Variants in TEP1 observed in about 807,000 individuals in gnomAD.
The protein encoded by TEP1 is telomerase protein component 1.
Under a neutral mutation model 306.3 loss-of-function variants are expected in TEP1, and 241 were observed. That is an observed-to-expected ratio of 0.79 (90% CI 0.71 to 0.88). The LOEUF is 0.88. TEP1 is among the 40% of genes least tolerant of loss of function. The pLI is 0.00. For synonymous variants in TEP1, 1,289 were observed against 1,305.5 expected, an observed-to-expected ratio of 0.99 and a Z score of 0.27; for missense variants, 3,051 against 3,276.1, an observed-to-expected ratio of 0.93 and a Z score of 1.68.
At position 20,375,757 on chromosome 14, in the gene TEP1, G is replaced by A. The variant is rs766836787; in HGVS notation, c.6361C>T (p.Leu2121=). 1 of 1,611,396 alleles carries A rather than the reference G, an allele frequency of 6.2e-7. No homozygotes were observed. Among genetic ancestry groups the A allele is most frequent in the South Asian group, 1.1e-5 (1 of 90,996 alleles). ...TGCAWTKDNL[L]ISCSSDGSVG... ...GCCACCCCTGGCCCTTTACTCACCA[G>A]TAGGTTATCTTTGGTCCAGGCACAG... is the stretch of plus-strand genomic sequence containing the variant. Residue 2121 remains leucine (L), a splice_region_variant and synonymous_variant, in exon 43 of 55, where the codon CTG becomes TTG. Coordinates refer to ENST00000262715, the MANE Select transcript of TEP1 (RefSeq NM_007110.5).
chr14:20,378,893 C>CTGAT (rs771040504), intron 36 of TEP1, 40 bp from the exon 37 acceptor site: 1 of 1,613,832 alleles, frequency 6.2e-7, no homozygotes, highest in Non-Finnish European at 8.5e-7. Context: ...GGACCCTGGC[C>CTGAT]ATCAGCTCCC....
chr14:20,387,551 C>CAAAAAAAAAAAAA (rs34816712), intron 18 of TEP1, among the ~76,000 whole-genome samples: 35 of 127,596 alleles, frequency 2.7e-4, no homozygotes, highest in African/African-American at 4.4e-4. Flanking sequence ...GACTCCGTCT[C>CAAAAAAAAAAAAA]AAAAAAAAAA....
At position 20,405,577 on chromosome 14, in the gene TEP1, T is replaced by G. The variant is rs1879114810; in HGVS notation, c.744A>C (p.Leu248=). ...DHVLQEKKMA[L]LSLLCSTLVS... is the part of the protein sequence containing the mutation. ...CCAGAGTAGAGCACAGCAAGCTCAGTAGAGCCATCTGGGAATTGAGAAAGA... is the reference window on the plus strand; with the variant it reads ...CCAGAGTAGAGCACAGCAAGCTCAGGAGAGCCATCTGGGAATTGAGAAAGA... The change falls in exon 4 of 55, where the codon CTA becomes CTC. Residue 248 remains leucine (L), a synonymous_variant. Coordinates refer to ENST00000262715, the MANE Select transcript of TEP1 (RefSeq NM_007110.5). 6.2e-7 allele frequency: 1 copy of G among 1,613,678 alleles called. No individual in the cohort carries two copies. Among genetic ancestry groups the G allele is most frequent in the Non-Finnish European group, 8.5e-7 (1 of 1,179,866 alleles).
intron 17 of TEP1, 79 bp downstream of exon 17, chr14:20,389,159 A>G: frequency 7.3e-7 from 1 of 1,365,420 alleles, no homozygotes; most frequent in Non-Finnish European, 1.0e-6. Flanking sequence ...AAAAAAAAAA[A>G]AAGTGACTGG....
Position 20,406,217 on chromosome 14 carries a change from ACT to A in TEP1, c.735+14_735+15del. On this transcript the variant is annotated intron_variant, in intron 3 of 54. Transcript: ENST00000262715. The stretch of plus-strand genomic sequence containing the variant: ...CCACACCATTATTAACCTTCCCCTA[ACT>A]CTTGAATTTTTACCTTCTTTTCCTG... 6.2e-7 allele frequency: 1 copy of A among 1,613,274 alleles called. No individual in the cohort carries two copies. The highest frequency in any genetic ancestry group is 8.5e-7 in the Non-Finnish European group (1 of 1,179,728).
At chr14:20,404,227 C>T (rs1383641205) in intron 5 of TEP1, among the ~76,000 whole-genome samples, 4 of 151,992 alleles carry the variant, frequency 2.6e-5, no homozygotes, top group Non-Finnish European at 4.4e-5. Flanking sequence ...TGGTGGCGCA[C>T]GCCTGTAATC....
In TEP1 at chr14:20,403,844, G is replaced by A; in HGVS notation, c.1073C>T (p.Pro358Leu). The A allele has an allele frequency of 6.2e-7, 1 of 1,614,148 alleles. No homozygotes were observed. ...CGTCATGGCAGTACGGAGACAGGCGGGCAGGGGCACCAGCTTATTCTTATC... is the reference window on the plus strand; with the variant it reads ...CGTCATGGCAGTACGGAGACAGGCGAGCAGGGGCACCAGCTTATTCTTATC... ...EGDKNKLVPL[P>L]ACLRTAMTDK... is the part of the protein sequence containing the mutation. Residue 358 changes from proline (P) to leucine (L), a missense_variant, in exon 6 of 55, where the codon CCC becomes CTC. Physicochemically the swap from Pro to Leu is moderately conservative, Grantham distance 98. Around this residue, in one of 3 missense-constraint regions of TEP1, gnomAD observed 1,507 missense variants for 1,550.5 expected, o/e 0.97. Coordinates refer to ENST00000262715, the MANE Select transcript of TEP1 (RefSeq NM_007110.5).
At chr14:20,388,193 AGGACC>A in intron 17 of TEP1, 130 bp from the exon 18 acceptor site, 1 of 914,824 alleles carries the variant, frequency 1.1e-6, no homozygotes. Context: ...CCTTAAGAAG[AGGACC>A]ATAAGCAGTT....
At chr14:20,412,332 AC>A (rs1289972249) in intron 1 of TEP1, among the ~76,000 whole-genome samples, 1 of 152,192 alleles carries the variant, frequency 6.6e-6, no homozygotes, top group African/African-American at 2.4e-5. Flanking sequence ...TATTTGAGCA[AC>A]ATAGTGAGAC....
chr14:20,383,367 G>A lies in TEP1; in HGVS notation c.3868-14C>T, dbSNP rs1460066248. The A allele has an allele frequency of 6.2e-7, 1 of 1,601,244 alleles. No homozygotes were observed. Among genetic ancestry groups the A allele is most frequent in the Non-Finnish European group, 8.5e-7 (1 of 1,172,718 alleles). On this transcript the variant is annotated splice_polypyrimidine_tract_variant and intron_variant, in intron 26 of 54. Transcript: ENST00000262715. Reference sequence around the variant, plus strand: ...CAGGTGTACACACTGTGATATTTGGGCAAAGGGGCAGGAAGGTAGAAAGAA... The same window carrying A: ...CAGGTGTACACACTGTGATATTTGGACAAAGGGGCAGGAAGGTAGAAAGAA...
In TEP1 at chr14:20,379,273, T is replaced by C. The variant is rs1885390698; in HGVS notation, c.5128-168A>G. Among the ~76,000 whole-genome samples, 4 of 152,200 alleles carry C rather than the reference T, an allele frequency of 2.6e-5. No individual in the cohort carries two copies. The South Asian group carries it at 8.3e-4, about 32-fold the overall frequency. Reference sequence around the variant, plus strand: ...TCAAGTGGGGGCCTCGTGATCCAAGTGGGGCCACATTTTCTCCCCTACTCC... The same window carrying C: ...TCAAGTGGGGGCCTCGTGATCCAAGCGGGGCCACATTTTCTCCCCTACTCC... On this transcript the variant is annotated intron_variant, in intron 35 of 54. Coordinates refer to ENST00000262715, the MANE Select transcript of TEP1 (RefSeq NM_007110.5).
At position 20,371,626 on chromosome 14, in the gene TEP1, G is replaced by A. The variant is rs770320555; in HGVS notation, c.7083C>T (p.His2361=). The change falls in exon 50 of 55, where the codon CAC becomes CAT. Residue 2361 remains histidine, a synonymous_variant. Coordinates refer to ENST00000262715, the MANE Select transcript of TEP1 (RefSeq NM_007110.5). Reference sequence around the variant, plus strand: ...AGTCCTCCTGTAGAATTCGGTTCAGGTGAAGACTAGCTCAAAAAAGTACAT... The same window carrying A: ...AGTCCTCCTGTAGAATTCGGTTCAGATGAAGACTAGCTCAAAAAAGTACAT... The part of the protein sequence containing the change: ...KGSAPGNLSL[H]LNRILQEDLG... 6.4e-7 allele frequency: 1 copy of A among 1,572,214 alleles called. No individual in the cohort carries two copies. The highest frequency in any genetic ancestry group is 1.4e-5 in the African/African-American group (1 of 72,142).
At chr14:20,374,612 G>T in intron 43 of TEP1, 76 bp from the exon 44 acceptor site, 1 of 1,079,750 alleles carries the variant, frequency 9.3e-7, no homozygotes. Context: ...GTGTAGGGTG[G>T]AAGGCGGTTA....
rs376735195 is a variant in TEP1, at chr14:20,375,883, A to G, written c.6250-15T>C. On this transcript the variant is annotated splice_polypyrimidine_tract_variant and intron_variant, in intron 42 of 54. Transcript: ENST00000262715. Reference sequence around the variant, plus strand: ...CAGAGGAGACTCTGGATAGGCCCCAAGGAGAGGGAGCAATCAGGACCAAAG... The same window carrying G: ...CAGAGGAGACTCTGGATAGGCCCCAGGGAGAGGGAGCAATCAGGACCAAAG... The G allele has an allele frequency of 2.8e-5, 45 of 1,591,612 alleles. No homozygotes were observed. In the East Asian group the frequency reaches 7.6e-4, roughly 27 times the overall value.
chr14:20,390,540 G>A (rs1013858450), intron 15 of TEP1, 141 bp downstream of exon 15: 18 of 752,636 alleles, frequency 2.4e-5, no homozygotes, highest in Non-Finnish European at 4.0e-5. Context: ...ACACCACTGG[G>A]TAGGGGGTTG....
chr14:20,378,584 C>T, intron 37 of TEP1, 49 bp from the exon 38 acceptor site: 1 of 1,611,784 alleles, frequency 6.2e-7, no homozygotes, highest in Non-Finnish European at 8.5e-7. Flanking sequence ...GATGCCTGAA[C>T]TTCTCAGTCC....
Position 20,406,402 on chromosome 14 carries a change from T to G in TEP1, c.568-2A>C, listed in dbSNP as rs1322274746. On this transcript the variant is annotated splice_acceptor_variant, in intron 2 of 54. Transcript: ENST00000262715. LOFTEE classifies it high-confidence loss of function. Reference sequence around the variant, plus strand: ...CTCTTCTGAATCAAACCAACGACCCTGGGGTAGTAGTGGCAGTTATGAATC... The same window carrying G: ...CTCTTCTGAATCAAACCAACGACCCGGGGGTAGTAGTGGCAGTTATGAATC... The G allele has an allele frequency of 6.2e-7, 1 of 1,613,828 alleles. No individual in the cohort carries two copies.
intron 35 of TEP1, 67 bp downstream of exon 35, chr14:20,379,862 TC>T (rs1885422317): frequency 9.7e-6 from 15 of 1,541,946 alleles, no homozygotes; most frequent in Non-Finnish European, 1.3e-5. Context: ...GTTTGGCTCA[TC>T]TAGGGCTTCA....
Position 20,406,370 on chromosome 14 carries a change from C to A in TEP1, c.598G>T (p.Gly200Trp). Residue 200 changes from glycine (G) to tryptophan (W), a missense_variant, in exon 3 of 55, where the codon GGG becomes TGG. Transcript: ENST00000262715. ...TAAGAAGGCATTTGGGTCTCTGCCC[C>A]TTTCTTCTCTTCTGAATCAAACCAA... is the stretch of plus-strand genomic sequence containing the variant. The part of the protein sequence containing the change: ...GRWFDSEEKK[G>W]AETQMPSYSL... 6.2e-7 allele frequency: 1 copy of A among 1,614,012 alleles called. No individual in the cohort carries two copies.
Sources: allele counts gnomAD v4.1 joint callset (sites outside exome capture counted in the v4.1 genomes callset), GRCh38; gene constraint gnomAD v4.1.1; regional missense constraint gnomAD v4.1.1; transcripts MANE v1.5; gene names NCBI Gene and HGNC (gene_info 2026-07-23, HGNC 2026-07-21).